NCAM1: variants seen among roughly 807,000 people sequenced by gnomAD.
NCAM1 encodes the protein neural cell adhesion molecule 1, also known as antigen recognized by monoclonal antibody 5.1H11.
Under a neutral mutation model 109.8 loss-of-function variants are expected in NCAM1, and 14 were observed. That is an observed-to-expected ratio of 0.13 (90% CI 0.08 to 0.20). NCAM1 has a LOEUF of 0.20. Among genes scored for constraint, NCAM1 ranks in the 10% least tolerant of loss-of-function variants. NCAM1 has a pLI of 1.00. For missense variants in NCAM1, 774 were observed against 1,109.9 expected (o/e 0.70, Z 4.30); for synonymous variants, 418 against 442.9 (o/e 0.94, Z 0.70).
chr11:113,038,640 G>A (rs782672901), intron 1 of NCAM1, among the ~76,000 whole-genome samples: 1 of 152,212 alleles, frequency 6.6e-6, no homozygotes, highest in Non-Finnish European at 1.5e-5. Flanking sequence ...CAGAGAGACG[G>A]TGCTGTGGAG....
intron 1 of NCAM1, among the ~76,000 whole-genome samples, chr11:113,002,090 A>T (rs550435524): frequency 6.6e-6 from 1 of 152,288 alleles, no homozygotes; most frequent in East Asian, 1.9e-4. Flanking sequence ...TTTCTGAAAC[A>T]ATTAGTAAGC....
In NCAM1 at chr11:112,999,907, T is replaced by C. The variant is rs146041242; in HGVS notation, c.52+38243T>C. ...TTACTTACATTAAAACATCAGCTTA[T>C]GAATAAACAAAGTTTGTTTAAATTA... is the stretch of plus-strand genomic sequence containing the variant. On this transcript the variant is annotated intron_variant, in intron 1 of 19. Coordinates refer to ENST00000316851, the MANE Select transcript of NCAM1 (RefSeq NM_181351.5). Among the ~76,000 whole-genome samples, 57 of 152,324 alleles carry C rather than the reference T, an allele frequency of 3.7e-4. 1 individual carries two copies. The highest frequency in any genetic ancestry group is 1.3e-3 in the African/African-American group (55 of 41,570).
intron 1 of NCAM1, among the ~76,000 whole-genome samples, chr11:113,016,941 A>G (rs1379821879): frequency 6.6e-6 from 1 of 152,208 alleles, no homozygotes; most frequent in Non-Finnish European, 1.5e-5. Context: ...TTCTTCACTG[A>G]TGAGTGTTTG....
At chr11:113,268,945 A>C (rs1393344660) in intron 17 of NCAM1, among the ~76,000 whole-genome samples, 1 of 152,224 alleles carries the variant, frequency 6.6e-6, no homozygotes, top group Non-Finnish European at 1.5e-5. Context: ...CTGAGAGCAC[A>C]GGAAGCTTTA....
At chr11:113,259,188 A>G (rs1555122808) in intron 16 of NCAM1, among the ~76,000 whole-genome samples, 7 of 148,978 alleles carry the variant, frequency 4.7e-5, no homozygotes, top group Non-Finnish European at 4.5e-5. Flanking sequence ...AGTAGCTGGG[A>G]CTACAGGCGC....
At chr11:113,267,773 A>C (rs1469926379) in intron 17 of NCAM1, among the ~76,000 whole-genome samples, 1 of 152,202 alleles carries the variant, frequency 6.6e-6, no homozygotes, top group African/African-American at 2.4e-5. Flanking sequence ...GGATGTGCGC[A>C]GTGCCAGTGC....
rs1392706957 is a variant in NCAM1 at position 113,275,340 on chromosome 11, G to T, written c.2530G>T (p.Val844Phe). 1 of 1,613,366 alleles carries T rather than the reference G, an allele frequency of 6.2e-7. No homozygotes were observed. The highest frequency in any genetic ancestry group is 1.3e-5 in the African/African-American group (1 of 74,870). The change falls in exon 20 of 20, where the codon GTC becomes TTC. Residue 844 changes from valine (V) to phenylalanine (F), a missense_variant. Val to Phe is a conservative substitution (Grantham distance 50). Coordinates refer to ENST00000316851, the MANE Select transcript of NCAM1 (RefSeq NM_181351.5). The stretch of plus-strand genomic sequence containing the variant: ...GCCAGCGCCAGCCGAAGTCAAGACG[G>T]TCCCCAATGACGCCACACAGACAAA... ...TKPAPAEVKT[V>F]PNDATQTKEN...
At chr11:113,175,029 G>T (rs1555106800) in intron 1 of NCAM1, among the ~76,000 whole-genome samples, 1 of 152,196 alleles carries the variant, frequency 6.6e-6, no homozygotes, top group African/African-American at 2.4e-5. Flanking sequence ...TACAAAATAA[G>T]ACTCCAGAGG....
At chr11:113,221,346 A>G in intron 9 of NCAM1, 21 bp downstream of exon 9, 1 of 1,566,132 alleles carries the variant, frequency 6.4e-7, no homozygotes, top group East Asian at 2.3e-5. Context: ...CCTGACCACT[A>G]GCCAGTCTTT....
At position 113,216,146 on chromosome 11, in the gene NCAM1, A is replaced by ATTTTTT. The variant is rs34687568; in HGVS notation, c.1059+1652_1059+1657dup. On this transcript the variant is annotated intron_variant, in intron 8 of 19. Coordinates refer to ENST00000316851, the MANE Select transcript of NCAM1 (RefSeq NM_181351.5). The stretch of plus-strand genomic sequence containing the variant: ...ACTTCTGGCTTGTAGCTATGATTTC[A>ATTTTTT]TTTTTTTTTTTTTTTTTTTTTTGAG... Among the ~76,000 whole-genome samples, 47 of 101,494 alleles carry ATTTTTT rather than the reference A, an allele frequency of 4.6e-4. 1 individual carries two copies. The highest frequency in any genetic ancestry group is 1.1e-3 in the East Asian group (4 of 3,650). 66.6% of individuals were successfully genotyped at this position (101,494 alleles called of 152,430 possible).
chr11:113,199,789 A>G (rs1307004326), intron 1 of NCAM1, among the ~76,000 whole-genome samples: 2 of 151,230 alleles, frequency 1.3e-5, no homozygotes, highest in Non-Finnish European at 2.9e-5. Context: ...ATAATAATAA[A>G]AAAAAGAATA....
At chr11:113,202,517 A>C in intron 2 of NCAM1, 64 bp downstream of exon 2, 1 of 1,448,436 alleles carries the variant, frequency 6.9e-7, no homozygotes, top group South Asian at 1.3e-5. Flanking sequence ...GTAGAGCAGG[A>C]GCCCTCAGGC....
intron 1 of NCAM1, among the ~76,000 whole-genome samples, chr11:113,078,173 TTTC>T (rs1268278808): frequency 6.6e-6 from 1 of 152,142 alleles, no homozygotes; most frequent in Non-Finnish European, 1.5e-5. Context: ...GGGAGAATCC[TTTC>T]TTCTTTCTTC....
chr11:113,260,385 C>A (rs1945956353), intron 17 of NCAM1, 62 bp downstream of exon 17: 1 of 1,523,200 alleles, frequency 6.6e-7, no homozygotes, highest in Admixed American at 1.9e-5. Flanking sequence ...TGCTGCACCT[C>A]CTAATGCGCC....
chr11:113,034,979 ACT>A (rs1425970343), intron 1 of NCAM1, among the ~76,000 whole-genome samples: 1 of 152,108 alleles, frequency 6.6e-6, no homozygotes, highest in East Asian at 1.9e-4. Context: ...TTGAATCAAC[ACT>A]CTCGAGCATT....
chr11:113,203,290 A>G (rs1555112235), intron 2 of NCAM1, among the ~76,000 whole-genome samples: 1 of 152,216 alleles, frequency 6.6e-6, no homozygotes, highest in Non-Finnish European at 1.5e-5. Context: ...TGTTCACTCC[A>G]GCTTTGCCTT....
chr11:113,014,777 G>C (rs1952165771), intron 1 of NCAM1, among the ~76,000 whole-genome samples: 1 of 152,206 alleles, frequency 6.6e-6, no homozygotes, highest in Non-Finnish European at 1.5e-5. Flanking sequence ...ATTCAGGCTA[G>C]CACACAGCTG....
intron 9 of NCAM1, 102 bp from the exon 10 acceptor site, chr11:113,231,543 C>A (rs144933157): frequency 7.4e-6 from 9 of 1,222,716 alleles, no homozygotes; most frequent in Non-Finnish European, 9.2e-6. Flanking sequence ...GGGTCACAGA[C>A]AAGTGATGGC....
chr11:113,269,931 G>T, intron 17 of NCAM1: 3 of 544,784 alleles, frequency 5.5e-6, no homozygotes, highest in East Asian at 3.2e-5. Context: ...CAGGACTCAC[G>T]GGAGGCCAGC....
Sources: allele counts gnomAD v4.1 joint callset (sites outside exome capture counted in the v4.1 genomes callset), GRCh38; gene constraint gnomAD v4.1.1; transcripts MANE v1.5; gene names NCBI Gene and HGNC (gene_info 2026-07-23, HGNC 2026-07-21).